Variants in CYP46A1 observed in about 807,000 individuals in gnomAD.
CYP46A1 encodes cholesterol 24-hydroxylase.
In CYP46A1, 20 loss-of-function variants were observed where a neutral mutation model predicts 63.3. The observed-to-expected ratio is 0.32, with a 90% CI of 0.22 to 0.46. The LOEUF is 0.46. CYP46A1 is among the 20% of genes least tolerant of loss of function. CYP46A1 has a pLI of 1.00. For missense variants in CYP46A1, 445 were observed against 670.8 expected, an observed-to-expected ratio of 0.66 and a Z score of 3.72; for synonymous variants, 268 against 273.6, an observed-to-expected ratio of 0.98 and a Z score of 0.20.
At chr14:99,700,436 A>C (rs1159449849) in intron 5 of CYP46A1, among the ~76,000 whole-genome samples, 1 of 152,058 alleles carries the variant, frequency 6.6e-6, no homozygotes, top group African/African-American at 2.4e-5. Flanking sequence ...TCTTTTATTC[A>C]TTTGAGTTTT....
In CYP46A1 at chr14:99,720,615, C is replaced by T. The variant is rs180951099; in HGVS notation, c.981-624C>T. The stretch of plus-strand genomic sequence containing the variant: ...CTGGGATTACAGGCACCCACCACCA[C>T]TCCCGGCGAATTTTTGTACTTTTAG... On this transcript the variant is annotated intron_variant, in intron 10 of 14. Transcript: ENST00000261835. Among the ~76,000 whole-genome samples the T allele has an allele frequency of 4.1e-3, 620 of 152,156 alleles. 6 individuals are homozygous for T. The highest frequency in any genetic ancestry group is 0.014 in the African/African-American group (590 of 41,530).
In CYP46A1 at chr14:99,702,002, G is replaced by A. The variant is rs141351271; in HGVS notation, c.443+1901G>A. 1.3e-4 allele frequency among the ~76,000 whole-genome samples: 19 copies of A among 151,146 alleles called. No homozygotes were observed. The East Asian group carries it at 2.9e-3, about 23-fold the overall frequency. On this transcript the variant is annotated intron_variant, in intron 5 of 14. Coordinates refer to ENST00000261835, the MANE Select transcript of CYP46A1 (RefSeq NM_006668.2). ...GGATAATCACTTGAACCTGGGAGGC[G>A]GAGGTTGAAGTGAGCTGAGATCACT...
At chr14:99,692,173 T>A (rs1439102494) in intron 3 of CYP46A1, among the ~76,000 whole-genome samples, 3 of 152,220 alleles carry the variant, frequency 2.0e-5, no homozygotes, top group African/African-American at 7.2e-5. Flanking sequence ...ATCTGTGAGA[T>A]GGGAATTATA....
At chr14:99,726,146 A>G in intron 13 of CYP46A1, 44 bp from the exon 14 acceptor site, 4 of 1,552,542 alleles carry the variant, frequency 2.6e-6, no homozygotes, top group Non-Finnish European at 3.6e-6. Context: ...TCCTGTGGGG[A>G]CGCCTGGGGC....
chr14:99,721,820 C>A, intron 11 of CYP46A1, 136 bp from the exon 12 acceptor site: 1 of 623,836 alleles, frequency 1.6e-6, no homozygotes, highest in African/African-American at 1.8e-5. Flanking sequence ...TCCCAGGGGC[C>A]TGGGACCCAG....
At chr14:99,726,452 A>T (rs914761266) in intron 14 of CYP46A1, 105 bp from the exon 15 acceptor site, 16 of 1,268,096 alleles carry the variant, frequency 1.3e-5, no homozygotes, top group African/African-American at 7.6e-5. Flanking sequence ...CCAGGCTCTC[A>T]CAGGCTCTCC....
rs2056485099 is a variant in CYP46A1 at position 99,685,373 on chromosome 14, G to T, written c.119+837G>T. Among the ~76,000 whole-genome samples the T allele has an allele frequency of 1.5e-5, 2 of 134,950 alleles. 1 individual carries two copies. Among genetic ancestry groups the T allele is most frequent in the African/African-American group, 5.7e-5 (2 of 34,898 alleles). 88.5% of individuals were successfully genotyped at this position (134,950 alleles called of 152,430 possible). A position where few individuals can be genotyped will look rare whatever the true frequency, so the allele number is the denominator to read the frequency against. The stretch of plus-strand genomic sequence containing the variant: ...CTTTTCTCAAGCCTGGGCCTGGCGG[G>T]CTTCTTCCTCTGCTTGTCTCAAACA... On this transcript the variant is annotated intron_variant, in intron 1 of 14. Coordinates refer to ENST00000261835, the MANE Select transcript of CYP46A1 (RefSeq NM_006668.2).
At position 99,727,013 on chromosome 14, in the gene CYP46A1, A is replaced by G. The variant is rs1466050251; in HGVS notation, c.*286A>G. On this transcript the variant is annotated 3_prime_UTR_variant, in exon 15 of 15. Transcript: ENST00000261835. ...CCACTTGCTCAGACGAGACACCCTA[A>G]CTCTTGCTCACTCCCTAAAGCCCTC... is the stretch of plus-strand genomic sequence containing the variant. 2.7e-6 allele frequency: 1 copy of G among 369,942 alleles called. No homozygotes were observed. Among genetic ancestry groups the G allele is most frequent in the Non-Finnish European group, 4.8e-6 (1 of 207,540 alleles). The allele number at this position is 369,942 out of a possible 1,614,324, so 22.9% of individuals were successfully genotyped here. A position where few individuals can be genotyped will look rare whatever the true frequency, so the allele number is the denominator to read the frequency against.
At chr14:99,708,004 C>T (rs2056694525) in intron 7 of CYP46A1, 1 of 315,856 alleles carries the variant, frequency 3.2e-6, no homozygotes, top group South Asian at 3.4e-5. Context: ...AGCACATCAC[C>T]TCATTGTCAT....
intron 7 of CYP46A1, chr14:99,711,283 G>A (rs914863885): frequency 1.3e-5 from 2 of 151,870 alleles, no homozygotes; most frequent in African/African-American, 4.8e-5. Context: ...GCCAAAATTA[G>A]TAGAAGGAAA....
intron 3 of CYP46A1, among the ~76,000 whole-genome samples, chr14:99,692,689 G>T (rs548938281): frequency 6.6e-6 from 1 of 152,044 alleles, no homozygotes; most frequent in Non-Finnish European, 1.5e-5. Context: ...AATTAGCTGG[G>T]TGTGGTGGTG....
chr14:99,715,917 G>C lies in CYP46A1; in HGVS notation c.801G>C (p.Arg267Ser). The change falls in exon 8 of 15, where the codon AGG becomes AGC. Residue 267 changes from arginine (R) to serine (S), a missense_variant. Physicochemically the swap from Arg to Ser is moderately radical, Grantham distance 110 (BLOSUM62 -1). This residue lies in a region of CYP46A1 where 252 missense variants were observed against 383.3 expected (regional missense o/e 0.66). Coordinates refer to ENST00000261835, the MANE Select transcript of CYP46A1 (RefSeq NM_006668.2). ...WVQRRREALK[R>S]GEEVPADILT... Reference sequence around the variant, plus strand: ...AGCGCCGCCGGGAAGCCCTGAAGAGGGGCGAGGAGGTTCCTGCCGACATCC... The same window carrying C: ...AGCGCCGCCGGGAAGCCCTGAAGAGCGGCGAGGAGGTTCCTGCCGACATCC... 1 of 1,613,206 alleles carries C rather than the reference G, an allele frequency of 6.2e-7. No homozygotes were observed.
chr14:99,684,591 G>A (rs1022516889), intron 1 of CYP46A1, 55 bp downstream of exon 1: 3 of 1,385,272 alleles, frequency 2.2e-6, no homozygotes, highest in Admixed American at 2.4e-5. Flanking sequence ...GGGGCCTGGG[G>A]ACAGCGTCTA....
Position 99,725,351 on chromosome 14 carries a change from C to A in CYP46A1, c.1177-40C>A. The A allele has an allele frequency of 6.3e-7, 1 of 1,576,782 alleles. No individual in the cohort carries two copies. Among genetic ancestry groups the A allele is most frequent in the Non-Finnish European group, 8.7e-7 (1 of 1,146,696 alleles). On this transcript the variant is annotated intron_variant, in intron 12 of 14. Coordinates refer to ENST00000261835, the MANE Select transcript of CYP46A1 (RefSeq NM_006668.2). This position sits in a 1 kb window ranked among gnomAD's most constrained non-coding sequence, Gnocchi z 4.2. ...AGTGGCTCAAGAGGTGCCAGGGGAA[C>A]AACCTGGGAACCAGAGATGAGCGGA...
intron 3 of CYP46A1, among the ~76,000 whole-genome samples, chr14:99,695,700 G>A (rs191055678): frequency 8.0e-5 from 12 of 150,858 alleles, no homozygotes; most frequent in African/African-American, 1.2e-4. Context: ...GCGCTATCTC[G>A]GCTCACTGCA....
chr14:99,694,673 A>AT (rs1204558684), intron 3 of CYP46A1, among the ~76,000 whole-genome samples: 1 of 151,378 alleles, frequency 6.6e-6, no homozygotes, highest in Non-Finnish European at 1.5e-5. Flanking sequence ...CTAAATTTTT[A>AT]TTTTTTTGGT....
intron 1 of CYP46A1, among the ~76,000 whole-genome samples, chr14:99,689,451 C>T (rs1326023368): frequency 6.6e-6 from 1 of 152,130 alleles, no homozygotes; most frequent in Non-Finnish European, 1.5e-5. Context: ...CCAGAGCTAC[C>T]CCAGAAGTGG....
intron 5 of CYP46A1, among the ~76,000 whole-genome samples, chr14:99,701,674 C>T (rs1386495781): frequency 6.6e-6 from 1 of 152,212 alleles, no homozygotes; most frequent in Non-Finnish European, 1.5e-5. Context: ...ACATACCATA[C>T]AGCTCACCCA....
At chr14:99,685,088 ACCC>A (rs1273289722) in intron 1 of CYP46A1, among the ~76,000 whole-genome samples, 1 of 3,644 alleles carries the variant, frequency 2.7e-4, no homozygotes, top group Non-Finnish European at 8.7e-4. Context: ...CAACTTGCCA[ACCC>A]CCCCCCACCC....
Sources: allele counts gnomAD v4.1 joint callset (sites outside exome capture counted in the v4.1 genomes callset), GRCh38; gene constraint gnomAD v4.1.1; regional missense constraint gnomAD v4.1.1; non-coding constraint Gnocchi (gnomAD v3.1); transcripts MANE v1.5; gene names NCBI Gene and HGNC (gene_info 2026-07-23, HGNC 2026-07-21).